Variants in TAT observed in about 807,000 individuals in gnomAD.
TAT encodes the protein tyrosine aminotransferase, also known as L-tyrosine:2-oxoglutarate aminotransferase.
In TAT, 35 loss-of-function variants were observed where a neutral mutation model predicts 53.6. The observed-to-expected ratio is 0.65, with a 90% confidence interval of 0.50 to 0.87. The LOEUF (loss-of-function observed/expected upper bound fraction) is 0.87. Ranked by LOEUF, TAT falls within the 40% of genes least tolerant of loss-of-function variation. The probability of loss-of-function intolerance (pLI) is 0.00; values close to 1 mark genes in which losing one functional copy is unlikely to be tolerated. For synonymous variants in TAT, 197 were observed against 206.5 expected, an observed-to-expected ratio of 0.95 and a Z score of 0.39; for missense variants, 525 against 571.8, an observed-to-expected ratio of 0.92 and a Z score of 0.83.
chr16:71,570,172 A>T, intron 9 of TAT, 97 bp downstream of exon 9: 3 of 1,584,210 alleles, frequency 1.9e-6, no homozygotes, highest in Non-Finnish European at 2.6e-6. Flanking sequence ...TAATATTGGA[A>T]CATGGCTCCA....
At position 71,570,653 on chromosome 16, in the gene TAT, C is replaced by T. The variant is rs373923671; in HGVS notation, c.912+26G>A. The T allele has an allele frequency of 7.4e-6, 12 of 1,613,988 alleles. No homozygotes were observed. The African/African-American group carries it at 1.5e-4, about 20-fold the overall frequency. ...TGAAATAAATATATACCCTAAATTA[C>T]ACATACTCTTTCACCATATTATCAC... On this transcript the variant is annotated intron_variant, in intron 8 of 11. Transcript: ENST00000355962.
Position 71,568,692 on chromosome 16 carries a change from G to C in TAT, c.1224+19C>G. On this transcript the variant is annotated intron_variant, in intron 11 of 11. Transcript: ENST00000355962. ...CTCTAGAAACTGTTGAGAATGTCCT[G>C]AGGGACACAGGCACCCACCGTTGCT... 1 of 1,602,394 alleles carries C rather than the reference G, an allele frequency of 6.2e-7. No homozygotes were observed. The highest frequency in any genetic ancestry group is 2.2e-5 in the East Asian group (1 of 44,804).
At chr16:71,572,090 G>T in intron 6 of TAT, 96 bp downstream of exon 6, 1 of 1,534,826 alleles carries the variant, frequency 6.5e-7, no homozygotes, top group Non-Finnish European at 9.0e-7. Context: ...TCCACCCCAG[G>T]CTTGGAACTT....
At position 71,571,591 on chromosome 16, in the gene TAT, C is replaced by T; in HGVS notation, c.759+15G>A. The T allele has an allele frequency of 6.2e-7, 1 of 1,611,160 alleles. No individual in the cohort carries two copies. The highest frequency in any genetic ancestry group is 1.1e-5 in the South Asian group (1 of 91,010). ...TTTGAGATTACTGTAGTGATATATCCTGATCAAGACTCACCATGTCTCCAT... is the reference window on the plus strand; with the variant it reads ...TTTGAGATTACTGTAGTGATATATCTTGATCAAGACTCACCATGTCTCCAT... On this transcript the variant is annotated intron_variant, in intron 7 of 11. Coordinates refer to ENST00000355962, the MANE Select transcript of TAT (RefSeq NM_000353.3).
At chr16:71,572,995 G>C (rs1295988764) in intron 4 of TAT, among the ~76,000 whole-genome samples, 2 of 152,152 alleles carry the variant, frequency 1.3e-5, no homozygotes, top group Non-Finnish European at 2.9e-5. Flanking sequence ...GAGATTTGAA[G>C]CCTGGCTCTT....
intron 7 of TAT, 126 bp downstream of exon 7, chr16:71,571,480 A>C (rs2044202546): frequency 2.2e-6 from 2 of 893,610 alleles, no homozygotes; most frequent in Non-Finnish European, 1.8e-6. Flanking sequence ...ATATATTTGT[A>C]AAAAGTGCAG....
At chr16:71,570,539 G>C (rs1232116948) in intron 8 of TAT, 140 bp downstream of exon 8, 1 of 1,567,056 alleles carries the variant, frequency 6.4e-7, no homozygotes, top group Non-Finnish European at 8.7e-7. Flanking sequence ...AGACCCTCTG[G>C]GTTCGTAGCC....
rs1474267209 is a variant in TAT at position 71,573,620 on chromosome 16, G to A, written c.341-14C>T. 6.4e-7 allele frequency: 1 copy of A among 1,551,394 alleles called. No individual in the cohort carries two copies. Among genetic ancestry groups the A allele is most frequent in the Non-Finnish European group, 8.7e-7 (1 of 1,146,808 alleles). ...TGGATAGGAAGCCTGAAAGAAAAGA[G>A]TGGAAAGTGGAGCTTTTTTGGTTTT... On this transcript the variant is annotated splice_polypyrimidine_tract_variant and intron_variant, in intron 3 of 11. Transcript: ENST00000355962.
chr16:71,573,698 A>C, intron 3 of TAT, 92 bp from the exon 4 acceptor site: 3 of 1,115,828 alleles, frequency 2.7e-6, no homozygotes, highest in Admixed American at 4.0e-5. Context: ...TGACACAGCC[A>C]TAGCTCACTG....
rs941534606 is a variant in TAT at position 71,566,715 on chromosome 16, T to A, written c.*1429A>T. On this transcript the variant is annotated 3_prime_UTR_variant, in exon 12 of 12. Transcript: ENST00000355962. ...AATAAAATGTTTTAGGAACTGTGGT[T>A]CTTAAGTAACTCCAAAAGTCAGTAC... 4 of 152,176 alleles carry A rather than the reference T, an allele frequency of 2.6e-5. No individual in the cohort carries two copies. Among genetic ancestry groups the A allele is most frequent in the Admixed American group, 2.6e-4 (4 of 15,278 alleles). 9.4% of individuals were successfully genotyped at this position (152,176 alleles called of 1,614,324 possible).
intron 2 of TAT, 66 bp from the exon 3 acceptor site, chr16:71,576,092 C>G: frequency 1.2e-6 from 2 of 1,608,142 alleles, no homozygotes; most frequent in Non-Finnish European, 1.7e-6. Context: ...TACTCAGACT[C>G]ACCCCCAACT....
At chr16:71,573,646 T>C (rs370057034) in intron 3 of TAT, 40 bp from the exon 4 acceptor site, 8 of 1,529,260 alleles carry the variant, frequency 5.2e-6, no homozygotes, top group East Asian at 2.5e-5. Context: ...TTTTGGTTTT[T>C]AGAGACTGTG....
At chr16:71,576,102 T>C (rs767414759) in intron 2 of TAT, 76 bp from the exon 3 acceptor site, 20 of 1,607,890 alleles carry the variant, frequency 1.2e-5, no homozygotes, top group Non-Finnish European at 1.6e-5. Context: ...CACCCCCAAC[T>C]GCCATCTTCT....
rs1404039794 is a variant in TAT at position 71,567,956 on chromosome 16, G to C, written c.*188C>G. On this transcript the variant is annotated 3_prime_UTR_variant, in exon 12 of 12. Transcript: ENST00000355962. ...CAGCGCAGAGCAAGGGAGAATCTGC[G>C]ATGTGAATGAGGAGGATCTGAGTGT... is the stretch of plus-strand genomic sequence containing the variant. 5 of 657,386 alleles carry C rather than the reference G, an allele frequency of 7.6e-6. No individual in the cohort carries two copies. The highest frequency in any genetic ancestry group is 3.6e-5 in the African/African-American group (2 of 55,978). The allele number at this position is 657,386 out of a possible 1,614,324, so 40.7% of individuals were successfully genotyped here. A position where few individuals can be genotyped will look rare whatever the true frequency, so the allele number is the denominator to read the frequency against.
At chr16:71,571,996 T>C (rs1265454737) in intron 6 of TAT, 190 bp downstream of exon 6, 14 of 695,850 alleles carry the variant, frequency 2.0e-5, no homozygotes, top group Non-Finnish European at 3.2e-5. Flanking sequence ...AAGAGACAAG[T>C]ATTTCTTCTT....
chr16:71,570,221 T>C (rs759111812), intron 9 of TAT, 48 bp downstream of exon 9: 3 of 1,613,950 alleles, frequency 1.9e-6, no homozygotes, highest in South Asian at 2.2e-5. Context: ...ACGGGCGGCA[T>C]TCTCTGACTC....
At chr16:71,576,570 G>C in intron 1 of TAT, 143 bp from the exon 2 acceptor site, 1 of 755,824 alleles carries the variant, frequency 1.3e-6, no homozygotes, top group East Asian at 2.7e-5. Context: ...ACTTTCTGTT[G>C]TAAAGTAGCT....
At position 71,567,825 on chromosome 16, in the gene TAT, G is replaced by A. The variant is rs1286366058; in HGVS notation, c.*319C>T. The A allele has an allele frequency of 2.7e-6, 1 of 366,668 alleles. No individual in the cohort carries two copies. The highest frequency in any genetic ancestry group is 5.2e-6 in the Non-Finnish European group (1 of 192,540). The allele number at this position is 366,668 out of a possible 1,614,324, so 22.7% of individuals were successfully genotyped here. A position where few individuals can be genotyped will look rare whatever the true frequency, so the allele number is the denominator to read the frequency against. ...CCTCATCCTGAGCTCTTATTTTCTT[G>A]TCTCAACTGCTTTCTGGTAAACTTT... On this transcript the variant is annotated 3_prime_UTR_variant, in exon 12 of 12. Coordinates refer to ENST00000355962, the MANE Select transcript of TAT (RefSeq NM_000353.3).
chr16:71,570,233 C>G, intron 9 of TAT, 36 bp downstream of exon 9: 1 of 1,614,026 alleles, frequency 6.2e-7, no homozygotes, highest in Non-Finnish European at 8.5e-7. Flanking sequence ...CTCTGACTCC[C>G]AAACTCCCAA....
Sources: allele counts gnomAD v4.1 joint callset (sites outside exome capture counted in the v4.1 genomes callset), GRCh38; gene constraint gnomAD v4.1.1; transcripts MANE v1.5; gene names NCBI Gene and HGNC (gene_info 2026-07-23, HGNC 2026-07-21).